Variants in RABGAP1L observed in about 807,000 individuals in gnomAD.
RABGAP1L encodes the protein RAB GTPase activating protein 1 like.
Under a neutral mutation model 137.7 loss-of-function variants are expected in RABGAP1L, and 63 were observed. The observed-to-expected ratio is 0.46, with a 90% CI of 0.37 to 0.56. The LOEUF (loss-of-function observed/expected upper bound fraction) is 0.56. RABGAP1L is among the 20% of genes least tolerant of loss of function. The probability of loss-of-function intolerance (pLI) is 0.00; values close to 1 mark genes in which losing one functional copy is unlikely to be tolerated. For missense variants in RABGAP1L, 1,095 were observed against 1,244.0 expected, an observed-to-expected ratio of 0.88 and a Z score of 1.80; for synonymous variants, 431 against 433.7, an observed-to-expected ratio of 0.99 and a Z score of 0.08.
intron 19 of RABGAP1L, among the ~76,000 whole-genome samples, chr1:174,920,337 T>G (rs553440494): frequency 5.3e-5 from 8 of 152,288 alleles, no homozygotes; most frequent in African/African-American, 1.9e-4. Context: ...AAGAGAGAGC[T>G]GGTGCAGGGA....
At chr1:174,522,865 T>C (rs1321738304) in intron 13 of RABGAP1L, among the ~76,000 whole-genome samples, 1 of 152,186 alleles carries the variant, frequency 6.6e-6, no homozygotes, top group Non-Finnish European at 1.5e-5. Context: ...ATGAAGAGGA[T>C]GGTGCTAAAT....
At chr1:174,677,639 C>T (rs1247962922) in intron 14 of RABGAP1L, among the ~76,000 whole-genome samples, 2 of 152,164 alleles carry the variant, frequency 1.3e-5, no homozygotes, top group Admixed American at 6.5e-5. Flanking sequence ...TTGCCTAGAT[C>T]TTCACAGAAA....
At chr1:174,196,604 T>C (rs1178181396) in intron 1 of RABGAP1L, among the ~76,000 whole-genome samples, 1 of 151,572 alleles carries the variant, frequency 6.6e-6, no homozygotes. Context: ...TTACTGAAGT[T>C]CTAATCTGGC....
At chr1:174,526,206 G>A (rs1326287633) in intron 13 of RABGAP1L, among the ~76,000 whole-genome samples, 1 of 152,030 alleles carries the variant, frequency 6.6e-6, no homozygotes, top group Non-Finnish European at 1.5e-5. Flanking sequence ...TGCAAATATT[G>A]TCTGTTGTGC....
At chr1:174,319,832 GTAAT>G (rs1380455090) in intron 11 of RABGAP1L, among the ~76,000 whole-genome samples, 1 of 152,110 alleles carries the variant, frequency 6.6e-6, no homozygotes, top group Non-Finnish European at 1.5e-5. Context: ...ATGTGATAGA[GTAAT>G]TAATTGATTT....
chr1:174,709,078 C>G (rs759057395), intron 17 of RABGAP1L, among the ~76,000 whole-genome samples: 1 of 152,196 alleles, frequency 6.6e-6, no homozygotes, highest in Non-Finnish European at 1.5e-5. Flanking sequence ...AGTTGTGGAA[C>G]CCACCGCAGT....
At chr1:174,711,356 A>AGAGT (rs1047741123) in intron 17 of RABGAP1L, among the ~76,000 whole-genome samples, 1 of 151,456 alleles carries the variant, frequency 6.6e-6, no homozygotes, top group Non-Finnish European at 1.5e-5. Flanking sequence ...GGAGGCACTG[A>AGAGT]GAGTGAGTGA....
chr1:174,342,821 T>C (rs1358012398), intron 11 of RABGAP1L, among the ~76,000 whole-genome samples: 1 of 151,600 alleles, frequency 6.6e-6, no homozygotes, highest in East Asian at 1.9e-4. Context: ...TCACTGCAAC[T>C]TCCGACTCCT....
At chr1:174,466,510 G>A (rs1657308606) in intron 13 of RABGAP1L, among the ~76,000 whole-genome samples, 1 of 152,172 alleles carries the variant, frequency 6.6e-6, no homozygotes, top group South Asian at 2.1e-4. Flanking sequence ...GCATAGGCTG[G>A]GCATGGTGGC....
chr1:174,710,455 C>T (rs192377856), intron 17 of RABGAP1L, among the ~76,000 whole-genome samples: 1 of 152,312 alleles, frequency 6.6e-6, no homozygotes, highest in East Asian at 1.9e-4. Context: ...CAAAGGGAAG[C>T]CCATCAGACT....
At chr1:174,383,757 G>A (rs75694709) in intron 12 of RABGAP1L, among the ~76,000 whole-genome samples, 4 of 150,866 alleles carry the variant, frequency 2.7e-5, no homozygotes, top group Admixed American at 2.0e-4. Context: ...CTTCTGCGTC[G>A]CTCATGCTGG....
intron 8 of RABGAP1L, among the ~76,000 whole-genome samples, chr1:174,274,853 C>T (rs1026533988): frequency 6.6e-6 from 1 of 152,086 alleles, no homozygotes; most frequent in African/African-American, 2.4e-5. Context: ...TTCAGAGAAA[C>T]ATCTGTGAAT....
intron 20 of RABGAP1L, among the ~76,000 whole-genome samples, chr1:174,966,594 T>G (rs1669650471): frequency 6.6e-6 from 1 of 152,222 alleles, no homozygotes; most frequent in South Asian, 2.1e-4. Context: ...ATTCAAAGAT[T>G]TCATTGTAGA....
In RABGAP1L at chr1:174,219,314, C is replaced by A. The variant is rs752935386; in HGVS notation, c.138+19C>A. On this transcript the variant is annotated intron_variant, in intron 2 of 25. Coordinates refer to ENST00000681986, the MANE Select transcript of RABGAP1L (RefSeq NM_001366446.1). ...ACTGAAGGTATTTTTTTCTTTTCTA[C>A]ATATGGTATAATTTTTAATTAAAAA... is the stretch of plus-strand genomic sequence containing the variant. 6.8e-7 allele frequency: 1 copy of A among 1,472,220 alleles called. No individual in the cohort carries two copies. Among genetic ancestry groups the A allele is most frequent in the South Asian group, 1.3e-5 (1 of 75,038 alleles). 91.2% of individuals were successfully genotyped at this position (1,472,220 alleles called of 1,614,324 possible).
At chr1:174,676,878 T>C (rs538728403) in intron 14 of RABGAP1L, among the ~76,000 whole-genome samples, 4 of 152,302 alleles carry the variant, frequency 2.6e-5, no homozygotes, top group Non-Finnish European at 5.9e-5. Context: ...GAACAGATAC[T>C]GGATTCAAAA....
chr1:174,893,511 A>G (rs929376266), intron 19 of RABGAP1L, among the ~76,000 whole-genome samples: 6 of 152,256 alleles, frequency 3.9e-5, no homozygotes, highest in Non-Finnish European at 8.8e-5. Context: ...TGATGCATAT[A>G]CCTGCATAAA....
intron 19 of RABGAP1L, among the ~76,000 whole-genome samples, chr1:174,828,162 A>C (rs1363982829): frequency 6.7e-6 from 1 of 148,234 alleles, no homozygotes; most frequent in Non-Finnish European, 1.5e-5. Context: ...ATTGTCTGAC[A>C]TAGTAGGATC....
chr1:174,548,649 G>A (rs2147971743), intron 13 of RABGAP1L: 2 of 822,062 alleles, frequency 2.4e-6, no homozygotes, highest in East Asian at 1.2e-4. Flanking sequence ...TTCAGTATTT[G>A]GCTAGGTTCC....
chr1:174,912,079 C>G (rs1660144290), intron 19 of RABGAP1L, among the ~76,000 whole-genome samples: 1 of 152,090 alleles, frequency 6.6e-6, no homozygotes, highest in Admixed American at 6.6e-5. Context: ...TGCCTTATCA[C>G]AAGAAATAGC....
Sources: allele counts gnomAD v4.1 joint callset (sites outside exome capture counted in the v4.1 genomes callset), GRCh38; gene constraint gnomAD v4.1.1; transcripts MANE v1.5; gene names NCBI Gene and HGNC (gene_info 2026-07-23, HGNC 2026-07-21).